Variants in RTL4 observed in about 807,000 individuals in gnomAD.
RTL4 encodes the protein retrotransposon Gag like 4, also known as retrotransposon Gag-like protein 4.
A neutral mutation model predicts 5.3 loss-of-function variants in RTL4; 4 were observed. The ratio of observed to expected loss-of-function variants is 0.75; its 90% CI spans 0.37 to 1.72. The LOEUF (loss-of-function observed/expected upper bound fraction) is 1.72, where lower values mean the gene tolerates loss of function less well. Among genes scored for constraint, RTL4 ranks in the 40% most tolerant of loss-of-function variants. The pLI is 0.04. For synonymous variants in RTL4, 98 were observed against 87.3 expected (o/e 1.12, Z -0.68); for missense variants, 260 against 227.1 (o/e 1.14, Z -0.93).
the RTL4 span, among the ~76,000 whole-genome samples, chrX:112,120,337 C>CAG: frequency 1.7e-4 from 19 of 112,095 alleles, no homozygotes; most frequent in Non-Finnish European, 3.6e-4. Flanking sequence ...AGTGCAGTGG[C>CAG]GCTATCTCAG....
the RTL4 span, among the ~76,000 whole-genome samples, chrX:112,247,271 G>A: frequency 1.8e-5 from 2 of 111,204 alleles, no homozygotes; most frequent in African/African-American, 6.5e-5. Context: ...TCCAAAAAAA[G>A]GTACCTATTA....
the RTL4 span, chrX:112,381,622 C>G: frequency 8.4e-7 from 1 of 1,196,679 alleles, no homozygotes; most frequent in South Asian, 1.8e-5. Flanking sequence ...AATCAGCCTT[C>G]AGGTGTGCCG....
the RTL4 span, among the ~76,000 whole-genome samples, chrX:112,121,419 A>G: frequency 8.9e-6 from 1 of 112,201 alleles, no homozygotes; most frequent in Non-Finnish European, 1.9e-5. Context: ...AGTATAAATT[A>G]TGAAAGATAA....
the RTL4 span, among the ~76,000 whole-genome samples, chrX:112,398,618 C>G: frequency 7.3e-5 from 8 of 110,191 alleles, no homozygotes; most frequent in African/African-American, 2.6e-4. Context: ...CCAGGATGGT[C>G]TCGATTTCCT....
chrX:112,126,566 A>T, the RTL4 span, among the ~76,000 whole-genome samples: 1 of 112,247 alleles, frequency 8.9e-6, no homozygotes. Flanking sequence ...AGAAATAATA[A>T]AAGTTAAAGA....
the RTL4 span, among the ~76,000 whole-genome samples, chrX:112,233,407 T>C: frequency 9.1e-6 from 1 of 110,245 alleles, no homozygotes; most frequent in African/African-American, 3.3e-5. Context: ...TCAGAGTCAA[T>C]GGACTTTGAA....
At chrX:112,140,083 C>T in the RTL4 span, among the ~76,000 whole-genome samples, 1 of 112,077 alleles carries the variant, frequency 8.9e-6, no homozygotes, top group African/African-American at 3.2e-5. Flanking sequence ...AGCTATAATC[C>T]AATAATATTA....
At chrX:112,429,149 A>T in the RTL4 span, among the ~76,000 whole-genome samples, 1 of 111,438 alleles carries the variant, frequency 9.0e-6, no homozygotes, top group African/African-American at 3.2e-5. Context: ...GTTTAAGGTG[A>T]TCATTGACAT....
At chrX:112,095,264 G>A in the RTL4 span, among the ~76,000 whole-genome samples, 1 of 111,280 alleles carries the variant, frequency 9.0e-6, no homozygotes, top group Non-Finnish European at 1.9e-5. Context: ...AGTAGGAGAT[G>A]AGATCATTTA....
the RTL4 span, among the ~76,000 whole-genome samples, chrX:112,302,251 ACT>A: frequency 2.3e-5 from 2 of 87,829 alleles, no homozygotes; most frequent in African/African-American, 1.0e-4. Flanking sequence ...ACAGAGCAAG[ACT>A]CTGTTAAAAA....
chrX:112,284,259 T>G, the RTL4 span, among the ~76,000 whole-genome samples: 1 of 109,295 alleles, frequency 9.1e-6, no homozygotes, highest in East Asian at 2.8e-4. Context: ...AAAAATGAAG[T>G]TTAAAAATAC....
chrX:112,155,458 T>G, the RTL4 span, among the ~76,000 whole-genome samples: 1 of 111,140 alleles, frequency 9.0e-6, no homozygotes, highest in Non-Finnish European at 1.9e-5. Context: ...CCCTGTGAAT[T>G]GGGGTTTTAA....
At chrX:112,245,545 T>G in the RTL4 span, among the ~76,000 whole-genome samples, 1 of 112,072 alleles carries the variant, frequency 8.9e-6, no homozygotes, top group Non-Finnish European at 1.9e-5. Context: ...TTCAGCTCCA[T>G]CAGGTCATTT....
At chrX:112,265,192 C>A in the RTL4 span, among the ~76,000 whole-genome samples, 1 of 112,832 alleles carries the variant, frequency 8.9e-6, no homozygotes, top group Non-Finnish European at 1.9e-5. Flanking sequence ...TCACAGGTAA[C>A]GCTGTTCAAA....
At chrX:112,171,950 C>G in the RTL4 span, among the ~76,000 whole-genome samples, 5 of 110,581 alleles carry the variant, frequency 4.5e-5, no homozygotes, top group Admixed American at 1.9e-4. Context: ...AGAACTTTTG[C>G]AATTTATCCA....
the RTL4 span, among the ~76,000 whole-genome samples, chrX:112,276,192 T>C: frequency 8.9e-6 from 1 of 111,988 alleles, no homozygotes; most frequent in Non-Finnish European, 1.9e-5. Context: ...ATCATATTCT[T>C]TGCTAAGACG....
At chrX:112,136,497 G>A in the RTL4 span, among the ~76,000 whole-genome samples, 1 of 111,793 alleles carries the variant, frequency 8.9e-6, no homozygotes, top group South Asian at 3.7e-4. Context: ...TGGAAGACTT[G>A]TACACTGAAA....
At chrX:112,111,163 C>G in the RTL4 span, among the ~76,000 whole-genome samples, 1 of 110,262 alleles carries the variant, frequency 9.1e-6, no homozygotes, top group Non-Finnish European at 1.9e-5. Flanking sequence ...TTCTCTCTCT[C>G]TTTGTCTCTG....
At chrX:112,219,851 T>TG in the RTL4 span, among the ~76,000 whole-genome samples, 2 of 112,214 alleles carry the variant, frequency 1.8e-5, no homozygotes, top group Non-Finnish European at 3.8e-5. Flanking sequence ...CCCCTTATAC[T>TG]GGGCCTGGCT....
Sources: allele counts gnomAD v4.1 joint callset (sites outside exome capture counted in the v4.1 genomes callset), GRCh38; gene constraint gnomAD v4.1.1; transcripts MANE v1.5; gene names NCBI Gene and HGNC (gene_info 2026-07-23, HGNC 2026-07-21).